The following ALPK2 variants were observed in gnomAD, a reference collection of about 807,000 sequenced individuals.
ALPK2 encodes the protein alpha-protein kinase 2.
Under a neutral mutation model 163.1 loss-of-function variants are expected in ALPK2, and 127 were observed. That is an observed-to-expected ratio of 0.78 (90% CI 0.67 to 0.90). The LOEUF (loss-of-function observed/expected upper bound fraction) is 0.90. ALPK2 is among the 40% of genes least tolerant of loss of function. ALPK2 has a pLI of 0.00. For synonymous variants in ALPK2, 953 were observed against 959.1 expected, an observed-to-expected ratio of 0.99 and a Z score of 0.12; for missense variants, 2,360 against 2,589.6, an observed-to-expected ratio of 0.91 and a Z score of 1.92.
intron 8 of ALPK2, among the ~76,000 whole-genome samples, chr18:58,518,717 C>A (rs1197645730): frequency 6.6e-6 from 1 of 152,152 alleles, no homozygotes; most frequent in Non-Finnish European, 1.5e-5. Context: ...TGGACACCAG[C>A]CATTAACAAG....
chr18:58,535,547 A>G lies in ALPK2; in HGVS notation c.4640T>C (p.Ile1547Thr), dbSNP rs755326092. ...PTSPLSSCLP[I>T]MTHASLGVDT... ...AACCCCAAGAGAAGCGTGAGTCATT[A>G]TTGGAAGACAACTAGAAAGAGGTGA... is the stretch of plus-strand genomic sequence containing the variant. The change falls in exon 5 of 13, where the codon ATA (isoleucine) becomes ACA (threonine). Residue 1547 changes from isoleucine to threonine, a missense_variant. Coordinates refer to ENST00000361673, the MANE Select transcript of ALPK2 (RefSeq NM_052947.4). 1.2e-6 allele frequency: 2 copies of G among 1,614,210 alleles called. No individual in the cohort carries two copies. Among genetic ancestry groups the G allele is most frequent in the Non-Finnish European group, 1.7e-6 (2 of 1,180,014 alleles).
Position 58,611,732 on chromosome 18 carries a change from C to T in ALPK2, c.66G>A (p.Lys22=). 1 of 1,613,012 alleles carries T rather than the reference C, an allele frequency of 6.2e-7. No homozygotes were observed. Among genetic ancestry groups the T allele is most frequent in the Non-Finnish European group, 8.5e-7 (1 of 1,179,572 alleles). ...LCFLSTLLSQ[K]VPEKSDAVLR... ...GCACAGCGTCTGACTTCTCAGGAAC[C>T]TTCTGGGAAAGCAATGTAGATAAAA... Residue 22 remains lysine, a synonymous_variant, in exon 2 of 13, where the codon AAG becomes AAA. Coordinates refer to ENST00000361673, the MANE Select transcript of ALPK2 (RefSeq NM_052947.4).
chr18:58,576,646 A>G (rs1363963675), intron 4 of ALPK2, among the ~76,000 whole-genome samples: 3 of 152,242 alleles, frequency 2.0e-5, no homozygotes, highest in Non-Finnish European at 2.9e-5. Context: ...GCTACATTGT[A>G]TACGTGTGTA....
Position 58,484,840 on chromosome 18 carries a change from C to T in ALPK2, c.6297-2801G>A, listed in dbSNP as rs1467057750. Among the ~76,000 whole-genome samples, 3 of 152,152 alleles carry T rather than the reference C, an allele frequency of 2.0e-5. No homozygotes were observed. The East Asian group carries it at 5.8e-4, about 29-fold the overall frequency. On this transcript the variant is annotated intron_variant, in intron 12 of 12. Transcript: ENST00000361673. Reference sequence around the variant, plus strand: ...AAACCATGTAGCTCAGGGCATAACACAGTAAAGATTCAGCTGATGTTGATC... The same window carrying T: ...AAACCATGTAGCTCAGGGCATAACATAGTAAAGATTCAGCTGATGTTGATC...
intron 5 of ALPK2, among the ~76,000 whole-genome samples, chr18:58,531,632 TAGA>T (rs2051614670): frequency 9.6e-6 from 1 of 104,230 alleles, no homozygotes; most frequent in Non-Finnish European, 1.8e-5. Context: ...AACGAACAAC[TAGA>T]AGGTGATAAG....
chr18:58,555,494 G>A (rs573675634), intron 4 of ALPK2, among the ~76,000 whole-genome samples: 9 of 152,304 alleles, frequency 5.9e-5, no homozygotes, highest in South Asian at 2.1e-4. Context: ...CAAGCTGTCC[G>A]AAGGGAAAGA....
At chr18:58,490,541 C>T (rs138496834) in intron 12 of ALPK2, among the ~76,000 whole-genome samples, 186 of 152,214 alleles carry the variant, frequency 1.2e-3, no homozygotes, top group African/African-American at 4.2e-3. Flanking sequence ...GCCCCTCCCT[C>T]AGGCCTCAGT....
intron 10 of ALPK2, among the ~76,000 whole-genome samples, chr18:58,507,417 A>G (rs140117100): frequency 6.6e-6 from 1 of 152,318 alleles, no homozygotes; most frequent in Non-Finnish European, 1.5e-5. Context: ...GAATAATCCC[A>G]TATAACATAG....
chr18:58,606,186 C>T (rs1476724923), intron 3 of ALPK2, among the ~76,000 whole-genome samples: 2 of 152,232 alleles, frequency 1.3e-5, no homozygotes, highest in African/African-American at 2.4e-5. Flanking sequence ...TCAAGCAATT[C>T]TTCCACCCTG....
At chr18:58,546,311 G>C (rs920744857) in intron 4 of ALPK2, among the ~76,000 whole-genome samples, 15 of 152,136 alleles carry the variant, frequency 9.9e-5, no homozygotes, top group Middle Eastern at 3.2e-3. Context: ...CATAGAGTTT[G>C]TAAAATACTG....
intron 4 of ALPK2, among the ~76,000 whole-genome samples, chr18:58,542,758 T>C (rs534636557): frequency 6.6e-6 from 1 of 152,228 alleles, no homozygotes; most frequent in South Asian, 2.1e-4. Flanking sequence ...AGAAAAGCAA[T>C]AGACCTCCCT....
chr18:58,623,906 T>C (rs2052215384), intron 1 of ALPK2, among the ~76,000 whole-genome samples: 1 of 152,192 alleles, frequency 6.6e-6, no homozygotes, highest in Non-Finnish European at 1.5e-5. Context: ...TCCTAAATCT[T>C]TAAAGTATAA....
chr18:58,564,120 G>GTTTTTTTTTTTTTTTTTTTTTTTT (rs1555672429), intron 4 of ALPK2, among the ~76,000 whole-genome samples: 1 of 42,858 alleles, frequency 2.3e-5, no homozygotes, highest in African/African-American at 1.3e-4. Context: ...TGATGTCTTT[G>GTTTTTTTTTTTTTTTTTTTTTTTT]TTCTTTTTTT....
intron 12 of ALPK2, among the ~76,000 whole-genome samples, 162 bp from the exon 13 acceptor site, chr18:58,482,201 T>TA (rs780696233): frequency 6.6e-6 from 1 of 152,034 alleles, no homozygotes; most frequent in African/African-American, 2.4e-5. Context: ...TAAGTGAAGG[T>TA]AAAAAACAAA....
rs1318612749 is a variant in ALPK2 at position 58,579,214 on chromosome 18, C to G, written c.1562G>C (p.Gly521Ala). ...CCTCTTGCTCCATAAGTCCTTTCCC[C>G]CCACTCTCTTGTCAGCTGCCGTCTC... ...CWETAADKRV[G>A]GKDLWSKRGS... The change falls in exon 4 of 13, where the codon GGG becomes GCG. Residue 521 changes from glycine to alanine, a missense_variant. Transcript: ENST00000361673. The G allele has an allele frequency of 2.5e-6, 4 of 1,614,108 alleles. No homozygotes were observed. Among genetic ancestry groups the G allele is most frequent in the East Asian group, 4.5e-5 (2 of 44,886 alleles).
intron 3 of ALPK2, among the ~76,000 whole-genome samples, chr18:58,598,929 C>T (rs1397103676): frequency 6.6e-6 from 1 of 152,156 alleles, no homozygotes; most frequent in African/African-American, 2.4e-5. Context: ...AGTTTCAGAA[C>T]GTGACAGTGA....
At chr18:58,494,969 G>T (rs186265502) in intron 12 of ALPK2, among the ~76,000 whole-genome samples, 2 of 152,100 alleles carry the variant, frequency 1.3e-5, no homozygotes, top group African/African-American at 4.8e-5. Context: ...AGGATCTGCC[G>T]TTCACTTTGG....
chr18:58,499,199 C>A (rs187870586), intron 11 of ALPK2, among the ~76,000 whole-genome samples: 1 of 152,302 alleles, frequency 6.6e-6, no homozygotes, highest in East Asian at 1.9e-4. Flanking sequence ...AGTAGAACAG[C>A]TACCTGAGCT....
At chr18:58,490,365 G>C (rs1370136011) in intron 12 of ALPK2, among the ~76,000 whole-genome samples, 1 of 152,066 alleles carries the variant, frequency 6.6e-6, no homozygotes, top group Admixed American at 6.6e-5. Context: ...GGCCAGTCAG[G>C]GGAGCCTCCA....
Sources: gnomAD v4.1 joint callset for allele counts (sites outside exome capture counted in the v4.1 genomes callset) on GRCh38, gnomAD v4.1.1 for gene constraint, MANE v1.5 for transcripts, NCBI Gene and HGNC (gene_info 2026-07-23, HGNC 2026-07-21) for gene names.